ADGRL3: variants seen among roughly 807,000 people sequenced by gnomAD.
ADGRL3 encodes calcium-independent alpha-latrotoxin receptor 3.
ADGRL3 carries 62 observed loss-of-function variants against 153.5 expected under a neutral mutation model. The observed-to-expected ratio is 0.40, with a 90% CI of 0.33 to 0.50. ADGRL3 has a LOEUF of 0.50. Ranked by LOEUF, ADGRL3 falls within the 20% of genes least tolerant of loss-of-function variation. The pLI, the probability that ADGRL3 is intolerant of heterozygous loss-of-function variation, is 0.47. For missense variants in ADGRL3, 1,641 were observed against 1,859.4 expected (o/e 0.88, Z 2.16); for synonymous variants, 710 against 672.5 (o/e 1.06, Z -0.86).
At chr4:61,818,542 C>T (rs1234042170) in intron 9 of ADGRL3, among the ~76,000 whole-genome samples, 1 of 152,140 alleles carries the variant, frequency 6.6e-6, no homozygotes, top group Non-Finnish European at 1.5e-5. Flanking sequence ...CTAAAATATT[C>T]GTAAGAAATC....
rs568537885 is a variant in ADGRL3, at chr4:61,541,153, T to C, written c.259+23635T>C. Among the ~76,000 whole-genome samples, 9 of 152,036 alleles carry C rather than the reference T, an allele frequency of 5.9e-5. No homozygotes were observed. In the East Asian group the frequency reaches 1.8e-3, roughly 30 times the overall value. On this transcript the variant is annotated intron_variant, in intron 4 of 26. Transcript: ENST00000683033. ...AGTGAAAGATCCTGGGTGAGATGGG[T>C]AGAAGGAGTTCGTGGCCCCAGCGGC...
intron 8 of ADGRL3, among the ~76,000 whole-genome samples, chr4:61,754,097 G>A (rs1374875485): frequency 2.0e-5 from 3 of 152,018 alleles, no homozygotes; most frequent in Non-Finnish European, 4.4e-5. Context: ...AGTTTCGAAG[G>A]GTCTTTGTAA....
intron 8 of ADGRL3, among the ~76,000 whole-genome samples, chr4:61,809,538 T>C (rs564312163): frequency 4.6e-5 from 7 of 152,264 alleles, no homozygotes; most frequent in Non-Finnish European, 7.4e-5. Flanking sequence ...TAAGTGCTGT[T>C]CATGAAAATT....
At position 61,859,467 on chromosome 4, in the gene ADGRL3, G is replaced by A. The variant is rs140954440; in HGVS notation, c.1481-33189G>A. Among the ~76,000 whole-genome samples, 1,439 of 152,204 alleles carry A rather than the reference G, an allele frequency of 9.5e-3. 21 individuals carry two copies. Among genetic ancestry groups the A allele is most frequent in the Non-Finnish European group, 0.012 (811 of 67,986 alleles). ...AATGTTTTTGTTTTCATAATTCTGT[G>A]ATGTTGAAAAATGATTAGTTAAAAA... On this transcript the variant is annotated intron_variant, in intron 9 of 26. Transcript: ENST00000683033.
intron 2 of ADGRL3, among the ~76,000 whole-genome samples, chr4:61,399,613 T>C (rs2096907146): frequency 6.6e-6 from 1 of 151,644 alleles, no homozygotes; most frequent in African/African-American, 2.4e-5. Context: ...GTGAATAATT[T>C]AAAAATGTTA....
chr4:62,062,788 A>G (rs774778867), intron 25 of ADGRL3, among the ~76,000 whole-genome samples: 1 of 152,160 alleles, frequency 6.6e-6, no homozygotes, highest in African/African-American at 2.4e-5. Flanking sequence ...ATGGAATTAT[A>G]TATGTGTATA....
intron 1 of ADGRL3, among the ~76,000 whole-genome samples, chr4:61,273,722 A>C (rs545536084): frequency 6.6e-6 from 1 of 152,284 alleles, no homozygotes; most frequent in South Asian, 2.1e-4. Flanking sequence ...GCATTTAATA[A>C]AACATTTGAA....
At chr4:62,063,325 T>G (rs925742323) in intron 25 of ADGRL3, among the ~76,000 whole-genome samples, 1 of 152,146 alleles carries the variant, frequency 6.6e-6, no homozygotes, top group Non-Finnish European at 1.5e-5. Flanking sequence ...GACTCAGATA[T>G]GTGCATTGTT....
At chr4:61,342,306 C>A (rs1032184357) in intron 1 of ADGRL3, among the ~76,000 whole-genome samples, 6 of 152,072 alleles carry the variant, frequency 3.9e-5, no homozygotes, top group Non-Finnish European at 5.9e-5. Flanking sequence ...TTAAGCAGTT[C>A]GTGAACAGTT....
chr4:61,421,109 C>T (rs1233473402), intron 2 of ADGRL3, among the ~76,000 whole-genome samples: 5 of 152,118 alleles, frequency 3.3e-5, no homozygotes, highest in South Asian at 2.1e-4. Flanking sequence ...CCGAGGTGGG[C>T]GGATCACGAG....
intron 25 of ADGRL3, among the ~76,000 whole-genome samples, chr4:62,050,748 G>A (rs1257808040): frequency 4.6e-5 from 7 of 151,880 alleles, no homozygotes; most frequent in African/African-American, 1.7e-4. Flanking sequence ...AAAATAGTCT[G>A]TATTGCCCCA....
At chr4:61,553,646 T>A (rs761574209) in intron 4 of ADGRL3, among the ~76,000 whole-genome samples, 34 of 152,174 alleles carry the variant, frequency 2.2e-4, no homozygotes, top group Non-Finnish European at 4.6e-4. Flanking sequence ...TAATAACAAG[T>A]GTAGGCATAA....
intron 1 of ADGRL3, among the ~76,000 whole-genome samples, chr4:61,227,510 T>G (rs1748530759): frequency 1.3e-5 from 2 of 152,160 alleles, no homozygotes; most frequent in Admixed American, 1.3e-4. Flanking sequence ...TGCCCAGCCC[T>G]CATTTTCTCA....
At chr4:61,644,149 T>C (rs900547229) in intron 5 of ADGRL3, among the ~76,000 whole-genome samples, 2 of 133,264 alleles carry the variant, frequency 1.5e-5, no homozygotes, top group Non-Finnish European at 3.2e-5. Flanking sequence ...CCTTTATCAT[T>C]TTTTATTGTG....
chr4:61,309,529 TACA>T (rs760840509), intron 1 of ADGRL3, among the ~76,000 whole-genome samples: 6 of 152,094 alleles, frequency 3.9e-5, no homozygotes, highest in Non-Finnish European at 5.9e-5. Context: ...TTCTTATGTA[TACA>T]ACTTTCCTAA....
intron 1 of ADGRL3, among the ~76,000 whole-genome samples, chr4:61,208,507 A>G (rs1015892898): frequency 6.6e-5 from 10 of 152,222 alleles, no homozygotes; most frequent in Middle Eastern, 6.8e-3. Flanking sequence ...TCAATTCCCC[A>G]TGTGATTCAG....
intron 5 of ADGRL3, among the ~76,000 whole-genome samples, chr4:61,608,352 T>G (rs1423127874): frequency 6.6e-6 from 1 of 152,218 alleles, no homozygotes; most frequent in Admixed American, 6.5e-5. Context: ...ATTAATTTAC[T>G]GTAAAATGCT....
At chr4:61,794,992 TGCAGTAAAA>T (rs2097391370) in intron 8 of ADGRL3, among the ~76,000 whole-genome samples, 1 of 152,228 alleles carries the variant, frequency 6.6e-6, no homozygotes, top group Admixed American at 6.5e-5. Context: ...ATAATTCCTA[TGCAGTAAAA>T]GCACTTTACA....
At chr4:61,541,736 A>G (rs1176404621) in intron 4 of ADGRL3, among the ~76,000 whole-genome samples, 1 of 152,028 alleles carries the variant, frequency 6.6e-6, no homozygotes, top group Admixed American at 6.6e-5. Flanking sequence ...TTGTGGCTCT[A>G]TGTGTGGCCT....
Sources: gnomAD v4.1 joint callset for allele counts (sites outside exome capture counted in the v4.1 genomes callset) on GRCh38, gnomAD v4.1.1 for gene constraint, MANE v1.5 for transcripts, NCBI Gene and HGNC (gene_info 2026-07-23, HGNC 2026-07-21) for gene names.